The following DMD variants were observed in gnomAD, a reference collection of about 807,000 sequenced individuals.
DMD encodes mutant dystrophin.
DMD carries 63 observed loss-of-function variants against 330.1 expected under a neutral mutation model. That is an observed-to-expected ratio of 0.19 (90% CI 0.16 to 0.24). The LOEUF (loss-of-function observed/expected upper bound fraction) is 0.24. Among genes scored for constraint, DMD ranks in the 10% least tolerant of loss-of-function variants. The pLI is 1.00. For missense variants in DMD, 3,344 were observed against 2,684.1 expected (o/e 1.25, Z -5.43); for synonymous variants, 1,223 against 959.8 (o/e 1.27, Z -5.07).
rs1030897825 is a variant in DMD at position 31,121,202 on chromosome X, CTA to C, written c.*715_*716del. 1 of 111,451 alleles carries C rather than the reference CTA, an allele frequency of 9.0e-6. No homozygotes were observed. The highest frequency in any genetic ancestry group is 3.3e-5 in the African/African-American group (1 of 30,623). 9.2% of individuals were successfully genotyped at this position (111,451 alleles called of 1,213,427 possible). On this transcript the variant is annotated 3_prime_UTR_variant, in exon 79 of 79. Transcript: ENST00000357033. ...TCTATAGAAATTCGTATCTCTTTAT[CTA>C]TATAACTATAGTATTTATATACTTA...
intron 59 of DMD, among the ~76,000 whole-genome samples, chrX:31,461,876 T>C (rs2066549137): frequency 9.0e-6 from 1 of 111,397 alleles, no homozygotes; most frequent in Admixed American, 9.6e-5. Context: ...TGACTATTAA[T>C]GTCTTATAGC....
At chrX:33,248,293 A>G (rs1192681057) in intron 1 of DMD, among the ~76,000 whole-genome samples, 1 of 111,728 alleles carries the variant, frequency 9.0e-6, no homozygotes, top group Non-Finnish European at 1.9e-5. Context: ...CGCCCACCTC[A>G]GCCTCCCAAA....
chrX:31,583,283 A>G (rs2076424345), intron 55 of DMD, among the ~76,000 whole-genome samples: 1 of 111,698 alleles, frequency 9.0e-6, no homozygotes, highest in African/African-American at 3.3e-5. Flanking sequence ...GAGATCACAG[A>G]AGAGATGTGG....
intron 51 of DMD, among the ~76,000 whole-genome samples, chrX:31,732,048 T>C (rs1006975323): frequency 9.0e-6 from 1 of 111,273 alleles, no homozygotes; most frequent in Non-Finnish European, 1.9e-5. Flanking sequence ...ACCTGTTCTC[T>C]AGTTGGGTGA....
intron 55 of DMD, among the ~76,000 whole-genome samples, chrX:31,531,803 G>A (rs1327505043): frequency 1.9e-5 from 2 of 105,068 alleles, no homozygotes; most frequent in Non-Finnish European, 3.9e-5. Context: ...AGCTGATGGA[G>A]CTGAAAACCA....
intron 1 of DMD, among the ~76,000 whole-genome samples, chrX:33,031,322 G>A (rs1031550659): frequency 2.5e-4 from 28 of 109,949 alleles, no homozygotes; most frequent in Non-Finnish European, 4.6e-4. Flanking sequence ...AAAAAACAAT[G>A]GAACAATTGC....
intron 16 of DMD, among the ~76,000 whole-genome samples, chrX:32,560,963 C>T (rs1389693224): frequency 3.6e-5 from 4 of 111,373 alleles, no homozygotes; most frequent in African/African-American, 9.8e-5. Flanking sequence ...CCAGTAACGG[C>T]CTTGCTGGGT....
Position 31,188,164 on chromosome X carries a change from C to T in DMD, c.9808-5260G>A, listed in dbSNP as rs559139934. 3.3e-4 allele frequency among the ~76,000 whole-genome samples: 37 copies of T among 111,849 alleles called. 1 individual carries two copies. The South Asian group carries it at 0.013, about 39-fold the overall frequency. On this transcript the variant is annotated intron_variant, in intron 67 of 78. Transcript: ENST00000357033. ...CAACTGACAGACTGAAGACAAGGTA[C>T]GGGGATTCACGTTCTCATTCTGTTT...
intron 21 of DMD, among the ~76,000 whole-genome samples, chrX:32,480,416 G>A (rs2041737497): frequency 9.1e-6 from 1 of 110,483 alleles, no homozygotes; most frequent in Non-Finnish European, 1.9e-5. Flanking sequence ...GTCTACATGT[G>A]TATATACACA....
intron 60 of DMD, among the ~76,000 whole-genome samples, chrX:31,389,898 T>C (rs2060616842): frequency 8.9e-6 from 1 of 112,187 alleles, no homozygotes; most frequent in Non-Finnish European, 1.9e-5. Context: ...ATAAATGATA[T>C]AGAGCTCAGT....
chrX:33,264,191 C>T (rs765515692), intron 1 of DMD, among the ~76,000 whole-genome samples: 2 of 111,002 alleles, frequency 1.8e-5, no homozygotes, highest in Admixed American at 9.6e-5. Context: ...AATGCACTGT[C>T]GAGTCCATGG....
At chrX:32,186,549 C>T (rs1246441900) in intron 44 of DMD, among the ~76,000 whole-genome samples, 1 of 110,744 alleles carries the variant, frequency 9.0e-6, no homozygotes, top group Non-Finnish European at 1.9e-5. Flanking sequence ...AATAAAATGC[C>T]CTGATAAGAA....
chrX:32,656,079 T>A (rs768521431), intron 9 of DMD, among the ~76,000 whole-genome samples: 3 of 111,780 alleles, frequency 2.7e-5, no homozygotes, highest in Non-Finnish European at 3.8e-5. Flanking sequence ...TATTAGAAAG[T>A]TTAGGGGACA....
intron 62 of DMD, among the ~76,000 whole-genome samples, chrX:31,280,754 C>T (rs1394780589): frequency 8.9e-6 from 1 of 111,823 alleles, no homozygotes; most frequent in East Asian, 2.8e-4. Context: ...CTGTCAGTTC[C>T]CTTCTGATTA....
At chrX:31,479,138 CT>C in intron 57 of DMD, 35 bp from the exon 58 acceptor site, 1 of 1,207,249 alleles carries the variant, frequency 8.3e-7, no homozygotes, top group African/African-American at 1.7e-5. Context: ...GCTTATTTGG[CT>C]TGTGGCATTC....
intron 2 of DMD, among the ~76,000 whole-genome samples, chrX:32,889,417 T>A (rs979913439): frequency 1.8e-5 from 2 of 110,686 alleles, no homozygotes; most frequent in Admixed American, 1.9e-4. Flanking sequence ...GAATTGTACA[T>A]GAAATCAGGT....
At chrX:32,782,342 G>A (rs2074857473) in intron 7 of DMD, among the ~76,000 whole-genome samples, 1 of 111,588 alleles carries the variant, frequency 9.0e-6, no homozygotes. Context: ...CAGTAACAGA[G>A]ACACATGCTA....
At chrX:33,007,309 C>A (rs1429860529) in intron 2 of DMD, among the ~76,000 whole-genome samples, 1 of 110,760 alleles carries the variant, frequency 9.0e-6, no homozygotes, top group Non-Finnish European at 1.9e-5. Context: ...CTTGTTATCC[C>A]ACAAACACGC....
intron 51 of DMD, among the ~76,000 whole-genome samples, chrX:31,734,442 T>C (rs1441033354): frequency 9.0e-6 from 1 of 111,527 alleles, no homozygotes; most frequent in East Asian, 2.8e-4. Context: ...TTTATAGCTA[T>C]ATTTTTATTT....
Sources: allele counts gnomAD v4.1 joint callset (sites outside exome capture counted in the v4.1 genomes callset), GRCh38; gene constraint gnomAD v4.1.1; transcripts MANE v1.5; gene names NCBI Gene and HGNC (gene_info 2026-07-23, HGNC 2026-07-21).